RC3H2: variants seen among roughly 807,000 people sequenced by gnomAD.
RC3H2 encodes the protein ring finger and CCCH-type domains 2, also known as roquin-2.
RC3H2 carries 31 observed loss-of-function variants against 133.3 expected under a neutral mutation model. That is an observed-to-expected ratio of 0.23 (90% CI 0.17 to 0.31). The LOEUF (loss-of-function observed/expected upper bound fraction) is 0.31. RC3H2 is among the 10% of genes least tolerant of loss of function. RC3H2 has a pLI of 1.00. For synonymous variants in RC3H2, 517 were observed against 502.2 expected (o/e 1.03, Z -0.40); for missense variants, 1,175 against 1,437.2 (o/e 0.82, Z 2.95).
intron 2 of RC3H2, among the ~76,000 whole-genome samples, chr9:122,895,369 T>C (rs1183467995): frequency 6.7e-6 from 1 of 149,872 alleles, no homozygotes; most frequent in Non-Finnish European, 1.5e-5. Context: ...GGTTTCGCCA[T>C]GTTGTCCAGG....
intron 2 of RC3H2, among the ~76,000 whole-genome samples, chr9:122,896,980 C>G (rs539381998): frequency 7.7e-6 from 1 of 130,074 alleles, no homozygotes; most frequent in Non-Finnish European, 1.5e-5. Flanking sequence ...GAGCCCAGAT[C>G]ACGCCACTGC....
intron 10 of RC3H2, among the ~76,000 whole-genome samples, 157 bp downstream of exon 10, chr9:122,865,192 G>C (rs777956862): frequency 3.9e-5 from 6 of 152,110 alleles, no homozygotes; most frequent in Non-Finnish European, 7.4e-5. Flanking sequence ...AACCAAACTA[G>C]AACTCAAATT....
chr9:122,875,388 A>G (rs747615728), intron 9 of RC3H2: 1 of 1,532,734 alleles, frequency 6.5e-7, no homozygotes, highest in South Asian at 1.2e-5. Flanking sequence ...ATAGACAAAC[A>G]TTTAATAAAC....
intron 9 of RC3H2, among the ~76,000 whole-genome samples, chr9:122,877,205 GACC>G (rs1370325604): frequency 6.6e-6 from 1 of 152,080 alleles, no homozygotes; most frequent in African/African-American, 2.4e-5. Flanking sequence ...GAGCAGCTGG[GACC>G]ACAACTGTGG....
chr9:122,895,169 T>G (rs988501738), intron 2 of RC3H2, among the ~76,000 whole-genome samples: 2 of 151,854 alleles, frequency 1.3e-5, no homozygotes, highest in Admixed American at 1.3e-4. Context: ...GGTTTTTTTT[T>G]TTTTTTTGAG....
chr9:122,879,693 G>C, intron 8 of RC3H2, 62 bp downstream of exon 8: 1 of 1,084,750 alleles, frequency 9.2e-7, no homozygotes, highest in Non-Finnish European at 1.4e-6. Flanking sequence ...AGCTGGTTAA[G>C]ATGTTCAGGA....
At chr9:122,872,891 T>C (rs1402777962) in intron 9 of RC3H2, among the ~76,000 whole-genome samples, 1 of 152,222 alleles carries the variant, frequency 6.6e-6, no homozygotes, top group Non-Finnish European at 1.5e-5. Context: ...TGGCCACTAT[T>C]TGTTGAGTTG....
intron 9 of RC3H2, among the ~76,000 whole-genome samples, chr9:122,872,410 T>G (rs1399613600): frequency 6.6e-6 from 1 of 152,102 alleles, no homozygotes; most frequent in East Asian, 1.9e-4. Context: ...GACACCAGAG[T>G]GATATGTCTA....
At chr9:122,854,729 G>C (rs1168083691) in intron 15 of RC3H2, 114 bp from the exon 16 acceptor site, 1 of 711,280 alleles carries the variant, frequency 1.4e-6, no homozygotes, top group Non-Finnish European at 2.5e-6. Flanking sequence ...ATATGATGCT[G>C]GTTAAACACC....
rs889717679 is a variant in RC3H2 at position 122,893,128 on chromosome 9, C to T, written c.232-102G>A. On this transcript the variant is annotated intron_variant, in intron 2 of 20. Coordinates refer to ENST00000357244, the MANE Select transcript of RC3H2 (RefSeq NM_001100588.3). ...ATAATCTTGGTGAGTATAAAATTAT[C>T]ATGCATAGATAATACATGAAAGCCA... The T allele has an allele frequency of 4.7e-5, 67 of 1,427,936 alleles. No homozygotes were observed. In the East Asian group the frequency reaches 1.6e-3, roughly 34 times the overall value. 88.5% of individuals were successfully genotyped at this position (1,427,936 alleles called of 1,614,324 possible). A position where few individuals can be genotyped will look rare whatever the true frequency, so the allele number is the denominator to read the frequency against.
At position 122,859,252 on chromosome 9, in the gene RC3H2, CTTTTTTTTTT is replaced by C. The variant is rs10608695; in HGVS notation, c.1850-160_1850-151del. 71 of 190,824 alleles carry C rather than the reference CTTTTTTTTTT, an allele frequency of 3.7e-4. 1 individual carries two copies. The highest frequency in any genetic ancestry group is 2.8e-3 in the African/African-American group (57 of 20,538). 11.8% of individuals were successfully genotyped at this position (190,824 alleles called of 1,614,324 possible). On this transcript the variant is annotated intron_variant, in intron 11 of 20. Coordinates refer to ENST00000357244, the MANE Select transcript of RC3H2 (RefSeq NM_001100588.3). ...TGCTTTATAAAGCTTTATACCCTGG[CTTTTTTTTTT>C]TTTTTTTTTTTTGGTAGAGACAGGG...
intron 10 of RC3H2, among the ~76,000 whole-genome samples, chr9:122,862,891 C>CAA (rs1168612532): frequency 7.3e-4 from 35 of 47,748 alleles, no homozygotes; most frequent in South Asian, 4.2e-3. Context: ...GACTCCATCT[C>CAA]AAAAAAAAAA....
chr9:122,873,723 A>G (rs981455854), intron 9 of RC3H2: 1 of 152,034 alleles, frequency 6.6e-6, no homozygotes, highest in African/African-American at 2.4e-5. Context: ...AAGATTAATA[A>G]CCCATGAGAT....
intron 16 of RC3H2, 29 bp from the exon 17 acceptor site, chr9:122,854,295 A>G: frequency 6.4e-7 from 1 of 1,559,106 alleles, no homozygotes; most frequent in Non-Finnish European, 8.8e-7. Context: ...TTATTGTAAT[A>G]AAAGTGAAGT....
At chr9:122,898,702 T>C (rs1164461800) in intron 1 of RC3H2, among the ~76,000 whole-genome samples, 2 of 144,690 alleles carry the variant, frequency 1.4e-5, no homozygotes, top group Non-Finnish European at 3.0e-5. Flanking sequence ...TGAGCCGAGA[T>C]CACGTCATCG....
chr9:122,897,559 T>C lies in RC3H2; in HGVS notation c.-50A>G. The C allele has an allele frequency of 1.3e-6, 2 of 1,565,218 alleles. No homozygotes were observed. The highest frequency in any genetic ancestry group is 1.7e-6 in the Non-Finnish European group (2 of 1,151,252). On this transcript the variant is annotated 5_prime_UTR_variant, in exon 2 of 21. Transcript: ENST00000357244. Reference sequence around the variant, plus strand: ...GCAGTCTAGCAGATCATTATTTTGCTGTGTAGTGTTTTGTAAGCTAGAAAT... The same window carrying C: ...GCAGTCTAGCAGATCATTATTTTGCCGTGTAGTGTTTTGTAAGCTAGAAAT...
intron 20 of RC3H2, among the ~76,000 whole-genome samples, chr9:122,850,832 T>A (rs774150613): frequency 6.6e-6 from 1 of 152,178 alleles, no homozygotes; most frequent in Non-Finnish European, 1.5e-5. Flanking sequence ...GCAACCAGAT[T>A]AAAGAAGCAT....
intron 3 of RC3H2, 27 bp from the exon 4 acceptor site, chr9:122,890,572 C>T (rs748378694): frequency 6.5e-7 from 1 of 1,543,562 alleles, no homozygotes; most frequent in Admixed American, 2.1e-5. Flanking sequence ...ACAAAGGGAG[C>T]TAAAGTTTTT....
At chr9:122,877,129 G>A (rs927860934) in intron 9 of RC3H2, among the ~76,000 whole-genome samples, 1 of 152,150 alleles carries the variant, frequency 6.6e-6, no homozygotes, top group Non-Finnish European at 1.5e-5. Context: ...GGAGTGCAGT[G>A]GTGTGAACAC....
Sources: allele counts gnomAD v4.1 joint callset (sites outside exome capture counted in the v4.1 genomes callset), GRCh38; gene constraint gnomAD v4.1.1; transcripts MANE v1.5; gene names NCBI Gene and HGNC (gene_info 2026-07-23, HGNC 2026-07-21).